Variants in JAK3 observed in about 807,000 individuals in gnomAD.
The protein encoded by JAK3 is tyrosine-protein kinase JAK3.
JAK3 carries 88 observed loss-of-function variants against 120.8 expected under a neutral mutation model. The ratio of observed to expected loss-of-function variants is 0.73; its 90% CI spans 0.61 to 0.87. JAK3 has a LOEUF of 0.87. Ranked by LOEUF, JAK3 falls within the 40% of genes least tolerant of loss-of-function variation. JAK3 has a pLI of 0.00. For missense variants in JAK3, 1,254 were observed against 1,501.4 expected (o/e 0.84, Z 2.72); for synonymous variants, 592 against 628.6 (o/e 0.94, Z 0.87).
At position 17,841,398 on chromosome 19, in the gene JAK3, C is replaced by T. The variant is rs1250190863; in HGVS notation, c.1133G>A (p.Gly378Asp). 1.9e-6 allele frequency: 3 copies of T among 1,550,196 alleles called. No individual in the cohort carries two copies. Among genetic ancestry groups the T allele is most frequent in the Non-Finnish European group, 2.6e-6 (3 of 1,148,312 alleles). The change falls in exon 8 of 24, where the codon GGC becomes GAC. Residue 378 changes from glycine to aspartate, a missense_variant. This residue lies in a region of JAK3 where 486 missense variants were observed against 503.0 expected (regional missense o/e 0.97). Coordinates refer to ENST00000458235, the MANE Select transcript of JAK3 (RefSeq NM_000215.4). This position sits in a 1 kb window ranked among gnomAD's most constrained non-coding sequence, Gnocchi z 4.1. ...LLEEVAEQCHGPITLDFAINK... is the reference protein window; with the variant it reads ...LLEEVAEQCHDPITLDFAINK... ...GGGGACAGGTCCTTACGTGATGGGG[C>T]CGTGGCACTGCTCGGCCACTTCCTC...
intron 17 of JAK3, among the ~76,000 whole-genome samples, chr19:17,833,542 G>GAAAAAAAAAAAAAAAAAAAAAAAAAAA (rs58330868): frequency 1.3e-5 from 1 of 74,634 alleles, no homozygotes. Flanking sequence ...CCCCATCACA[G>GAAAAAAAAAAAAAAAAAAAAAAAAAAA]AAAAAAAAAA....
intron 13 of JAK3, among the ~76,000 whole-genome samples, chr19:17,836,466 G>A (rs2094224506): frequency 6.6e-6 from 1 of 152,114 alleles, no homozygotes; most frequent in African/African-American, 2.4e-5. Context: ...ATTTTTAGTA[G>A]AGACGGGGTC....
At chr19:17,838,506 A>G (rs2094229932) in intron 10 of JAK3, 116 bp from the exon 11 acceptor site, 1 of 1,097,080 alleles carries the variant, frequency 9.1e-7, no homozygotes, top group Non-Finnish European at 1.4e-6. Flanking sequence ...TGAGATGAAG[A>G]CTTCAGGGCA....
intron 1 of JAK3, among the ~76,000 whole-genome samples, chr19:17,846,070 G>A (rs139980350): frequency 3.3e-5 from 5 of 152,032 alleles, no homozygotes; most frequent in African/African-American, 1.2e-4. Context: ...CTCCTGCCTC[G>A]GACTCCCAAA....
intron 23 of JAK3, chr19:17,829,796 C>G (rs527966655): frequency 6.9e-5 from 32 of 466,724 alleles, no homozygotes; most frequent in African/African-American, 5.9e-4. Context: ...TGAACGTCAC[C>G]ACCATTTATG....
rs55883965 is a variant in JAK3, at chr19:17,838,379, G to A, written c.1453C>T (p.Leu485=). ...CTGTGACCTCTCTGGACCACGATCA[G>A]GTTGGACTTTTCTATGGGGAGAGGA... ...CIPRPKEKSN[L]IVVQRGHSPP... Residue 485 remains leucine, a synonymous_variant, in exon 11 of 24, where the codon CTG becomes TTG. Transcript: ENST00000458235. The A allele has an allele frequency of 3.5e-4, 573 of 1,614,146 alleles. 4 individuals are homozygous for A. In the East Asian group the frequency reaches 0.012, roughly 34 times the overall value.
At chr19:17,834,762 G>C in intron 16 of JAK3, 41 bp from the exon 17 acceptor site, 1 of 1,613,798 alleles carries the variant, frequency 6.2e-7, no homozygotes, top group Non-Finnish European at 8.5e-7. Flanking sequence ...CAACCCAATA[G>C]ACCCACCCCA....
chr19:17,832,479 A>C lies in JAK3; in HGVS notation c.2680+40T>G. ...GGTAAGAATGTGCACTTTGAAAAGCACCCATACGTCTTGGTTCACTCATCC... is the reference window on the plus strand; with the variant it reads ...GGTAAGAATGTGCACTTTGAAAAGCCCCCATACGTCTTGGTTCACTCATCC... On this transcript the variant is annotated intron_variant, in intron 19 of 23. Coordinates refer to ENST00000458235, the MANE Select transcript of JAK3 (RefSeq NM_000215.4). This position sits in a 1 kb window ranked among gnomAD's most constrained non-coding sequence, Gnocchi z 4.7. 1 of 1,601,070 alleles carries C rather than the reference A, an allele frequency of 6.2e-7. No homozygotes were observed. Among genetic ancestry groups the C allele is most frequent in the African/African-American group, 1.3e-5 (1 of 74,710 alleles).
chr19:17,836,817 C>A, intron 13 of JAK3: 1 of 487,330 alleles, frequency 2.1e-6, no homozygotes, highest in South Asian at 2.0e-5. Context: ...CAGCTCCTGG[C>A]CCATCCTAGA....
chr19:17,842,556 G>T lies in JAK3; in HGVS notation c.621C>A (p.Phe207Leu). 6.3e-7 allele frequency: 1 copy of T among 1,587,470 alleles called. No homozygotes were observed. The highest frequency in any genetic ancestry group is 8.6e-7 in the Non-Finnish European group (1 of 1,167,460). Residue 207 changes from phenylalanine to leucine, a missense_variant, in exon 6 of 24, where the codon TTC (phenylalanine) becomes TTA (leucine). Coordinates refer to ENST00000458235, the MANE Select transcript of JAK3 (RefSeq NM_000215.4). The surrounding 1 kb of genome is among the most constrained non-coding windows in gnomAD (Gnocchi z 6.4). Reference protein sequence around the residue: ...SLRDLIQGLSFVTRRRIRRTV... With the variant: ...SLRDLIQGLSLVTRRRIRRTV... ...TCCTCCGAATACGCCTCCGCGTCACGAAGCTCAGGCCCTGGATCAGGTCGC... is the reference window on the plus strand; with the variant it reads ...TCCTCCGAATACGCCTCCGCGTCACTAAGCTCAGGCCCTGGATCAGGTCGC...
chr19:17,838,227 G>C (rs555008296), intron 11 of JAK3, 36 bp downstream of exon 11: 38 of 1,613,696 alleles, frequency 2.4e-5, no homozygotes, highest in South Asian at 8.8e-5. Flanking sequence ...CTGGACCCCA[G>C]ACTGAGGTAT....
chr19:17,827,919 C>A (rs946467686), intron 23 of JAK3, among the ~76,000 whole-genome samples: 49 of 148,730 alleles, frequency 3.3e-4, no homozygotes, highest in Non-Finnish European at 6.3e-4. Context: ...AAAAAAACAA[C>A]AAAAAAACAC....
At position 17,835,990 on chromosome 19, in the gene JAK3, G is replaced by T. The variant is rs1310151149; in HGVS notation, c.1848C>A (p.Gly616=). ...GAIDMYLRKR[G]HLVPASWKLQ... ...GCTTCCAGCTGGCTGGCACCAGGTG[G>T]CCACGTTTTCGCAGATACATGTCTA... Residue 616 remains glycine, a synonymous_variant, in exon 14 of 24, where the codon GGC becomes GGA. Transcript: ENST00000458235. 4 of 1,614,124 alleles carry T rather than the reference G, an allele frequency of 2.5e-6. No individual in the cohort carries two copies. Among genetic ancestry groups the T allele is most frequent in the Non-Finnish European group, 2.5e-6 (3 of 1,180,028 alleles).
At chr19:17,834,537 C>G in intron 17 of JAK3, 34 bp downstream of exon 17, 1 of 1,612,774 alleles carries the variant, frequency 6.2e-7, no homozygotes, top group Non-Finnish European at 8.5e-7. Flanking sequence ...TATGACATCA[C>G]AGCCCTCCCC....
rs114313794 is a variant in JAK3, at chr19:17,847,272, A to C, written c.-14+674T>G. 7.5e-3 allele frequency among the ~76,000 whole-genome samples: 1,135 copies of C among 152,288 alleles called. 9 individuals carry two copies. The highest frequency in any genetic ancestry group is 0.026 in the African/African-American group (1,090 of 41,568). ...TCCCAGCTACTCAGGGGGCTGAGGC[A>C]GCAGGATAGCTTGAGGCCAGGGGTT... On this transcript the variant is annotated intron_variant, in intron 1 of 23. Transcript: ENST00000458235.
chr19:17,841,000 T>G (rs1797406668), intron 8 of JAK3, among the ~76,000 whole-genome samples: 1 of 151,874 alleles, frequency 6.6e-6, no homozygotes, highest in Non-Finnish European at 1.5e-5. Flanking sequence ...TCTTTTTTTG[T>G]AGAGATGGGG....
At chr19:17,828,011 G>A (rs1342821574) in intron 23 of JAK3, among the ~76,000 whole-genome samples, 1 of 151,454 alleles carries the variant, frequency 6.6e-6, no homozygotes, top group African/African-American at 2.4e-5. Context: ...TGCCTCCATC[G>A]CACTGGTGCT....
chr19:17,832,580 C>G lies in JAK3; in HGVS notation c.2619G>C (p.Gln873His). The G allele has an allele frequency of 6.2e-7, 1 of 1,614,252 alleles. No homozygotes were observed. Among genetic ancestry groups the G allele is most frequent in the East Asian group, 2.2e-5 (1 of 44,882 alleles). The change falls in exon 19 of 24, where the codon CAG (glutamine) becomes CAC (histidine). Residue 873 changes from glutamine (Q) to histidine (H), a missense_variant. Physicochemically the swap from Gln to His is conservative, Grantham distance 24. Coordinates refer to ENST00000458235, the MANE Select transcript of JAK3 (RefSeq NM_000215.4). This position sits in a 1 kb window ranked among gnomAD's most constrained non-coding sequence, Gnocchi z 4.7. Reference protein sequence around the residue: ...DQQRDFQREIQILKALHSDFI... With the variant: ...DQQRDFQREIHILKALHSDFI... ...AATCACTGTGCAGTGCTTTGAGGATCTGAATCTCCCGCTGAAAGTCCCTCT... is the reference window on the plus strand; with the variant it reads ...AATCACTGTGCAGTGCTTTGAGGATGTGAATCTCCCGCTGAAAGTCCCTCT...
intron 17 of JAK3, 122 bp downstream of exon 17, chr19:17,834,449 C>T: frequency 1.9e-6 from 2 of 1,035,850 alleles, no homozygotes; most frequent in East Asian, 2.5e-5. Flanking sequence ...CTGACTGTCA[C>T]AGTCACCAAC....
Sources: gnomAD v4.1 joint callset for allele counts (sites outside exome capture counted in the v4.1 genomes callset) on GRCh38, gnomAD v4.1.1 for gene constraint, gnomAD v4.1.1 regional missense constraint, Gnocchi (gnomAD v3.1) non-coding constraint, MANE v1.5 for transcripts, NCBI Gene and HGNC (gene_info 2026-07-23, HGNC 2026-07-21) for gene names.